DNAJB11: variants seen among roughly 807,000 people sequenced by gnomAD.
The protein encoded by DNAJB11 is DnaJ heat shock protein family (Hsp40) member B11.
In DNAJB11, 30 loss-of-function variants were observed where a neutral mutation model predicts 47.2. The ratio of observed to expected loss-of-function variants is 0.64; its 90% CI spans 0.48 to 0.86. The LOEUF is 0.86. DNAJB11 is among the 40% of genes least tolerant of loss of function. The probability of loss-of-function intolerance (pLI) is 0.00; values close to 1 mark genes in which losing one functional copy is unlikely to be tolerated. For missense variants in DNAJB11, 357 were observed against 440.2 expected (o/e 0.81, Z 1.69); for synonymous variants, 151 against 159.9 (o/e 0.94, Z 0.42).
Position 186,584,524 on chromosome 3 carries a change from G to A in DNAJB11, c.947G>A (p.Gly316Asp), listed in dbSNP as rs1332569160. 1 of 1,600,360 alleles carries A rather than the reference G, an allele frequency of 6.2e-7. No homozygotes were observed. Among genetic ancestry groups the A allele is most frequent in the Non-Finnish European group, 8.5e-7 (1 of 1,175,860 alleles). Reference protein sequence around the residue: ...LPNFDNNNIKGSLIITFDVDF... With the variant: ...LPNFDNNNIKDSLIITFDVDF... Reference sequence around the variant, plus strand: ...AACTTTGACAACAACAATATCAAGGGCTCTTTGATAATCACTTTTGATGTG... The same window carrying A: ...AACTTTGACAACAACAATATCAAGGACTCTTTGATAATCACTTTTGATGTG... Residue 316 changes from glycine to aspartate, a missense_variant, in exon 9 of 10, where the codon GGC becomes GAC. Transcript: ENST00000265028.
intron 4 of DNAJB11, chr3:186,578,010 A>G: frequency 8.8e-6 from 3 of 342,688 alleles, no homozygotes; most frequent in Non-Finnish European, 1.6e-5. Context: ...AAACATTACC[A>G]TGACTTAATC....
intron 2 of DNAJB11, among the ~76,000 whole-genome samples, chr3:186,575,465 G>A (rs147993292): frequency 1.4e-3 from 219 of 151,992 alleles, no homozygotes; most frequent in African/African-American, 5.0e-3. Context: ...CAGTATAGTG[G>A]TTAACAGCAT....
Position 186,570,820 on chromosome 3 carries a change from C to T in DNAJB11, c.-78C>T, listed in dbSNP as rs1715013980. The T allele has an allele frequency of 8.4e-6, 12 of 1,427,838 alleles. No homozygotes were observed. Among genetic ancestry groups the T allele is most frequent in the Middle Eastern group, 1.7e-4 (1 of 5,736 alleles). 88.4% of individuals were successfully genotyped at this position (1,427,838 alleles called of 1,614,324 possible). A position where few individuals can be genotyped will look rare whatever the true frequency, so the allele number is the denominator to read the frequency against. On this transcript the variant is annotated 5_prime_UTR_variant, in exon 1 of 10. Transcript: ENST00000265028. ...CCGGTGTGAGGCGGCCTCACAGGGC[C>T]GGGTGGGCTGGCGAGCCGACGCGGC...
At position 186,572,161 on chromosome 3, in the gene DNAJB11, T is replaced by A; in HGVS notation, c.135T>A (p.Tyr45Ter). 2 of 1,613,672 alleles carry A rather than the reference T, an allele frequency of 1.2e-6. No homozygotes were observed. Among genetic ancestry groups the A allele is most frequent in the African/African-American group, 2.7e-5 (2 of 74,992 alleles). ...CTATAAAGGATATTAAAAAGGCCTA[T>A]AGGAAACTAGCCCTGCAGCTTCATC... ...SASIKDIKKAYRKLALQLHPD... is the reference protein window; with the variant it reads ...SASIKDIKKA Residue 45 changes from tyrosine (Y) to a stop codon, truncating the protein, a stop_gained, in exon 2 of 10, where the codon TAT (tyrosine) becomes TAA (stop). Coordinates refer to ENST00000265028, the MANE Select transcript of DNAJB11 (RefSeq NM_016306.6). LOFTEE classifies it high-confidence loss of function.
intron 6 of DNAJB11, 46 bp from the exon 7 acceptor site, chr3:186,582,670 A>T: frequency 6.7e-7 from 1 of 1,483,190 alleles, no homozygotes; most frequent in Non-Finnish European, 9.3e-7. Flanking sequence ...GATTTGTGGT[A>T]TTCAACTTGT....
chr3:186,570,928 C>A lies in DNAJB11; in HGVS notation c.31C>A (p.Leu11Met). 6.3e-7 allele frequency: 1 copy of A among 1,586,872 alleles called. No homozygotes were observed. Among genetic ancestry groups the A allele is most frequent in the South Asian group, 1.1e-5 (1 of 88,982 alleles). The change falls in exon 1 of 10, where the codon CTG (leucine) becomes ATG (methionine). Residue 11 changes from leucine (L) to methionine (M), a missense_variant. Transcript: ENST00000265028. Reference protein sequence around the residue: MAPQNLSTFCLLLLYLIGAVI... With the variant: MAPQNLSTFCMLLLYLIGAVI... ...TCCGCAGAACCTGAGCACCTTTTGC[C>A]TGTTGCTGCTATACCTCATCGGGGC...
Position 186,581,358 on chromosome 3 carries a change from A to T in DNAJB11, c.457-13A>T. 1 of 1,613,142 alleles carries T rather than the reference A, an allele frequency of 6.2e-7. No individual in the cohort carries two copies. Among genetic ancestry groups the T allele is most frequent in the Non-Finnish European group, 8.5e-7 (1 of 1,179,602 alleles). Reference sequence around the variant, plus strand: ...CACAAGAGAGAAGCTGATGTTGTTTATGCACTTCCTAGGTAGTTAGAAACA... The same window carrying T: ...CACAAGAGAGAAGCTGATGTTGTTTTTGCACTTCCTAGGTAGTTAGAAACA... On this transcript the variant is annotated splice_polypyrimidine_tract_variant and intron_variant, in intron 4 of 9. Coordinates refer to ENST00000265028, the MANE Select transcript of DNAJB11 (RefSeq NM_016306.6).
At position 186,582,785 on chromosome 3, in the gene DNAJB11, A is replaced by C. The variant is rs767004066; in HGVS notation, c.740+12A>C. 6.4e-7 allele frequency: 1 copy of C among 1,564,210 alleles called. No homozygotes were observed. Among genetic ancestry groups the C allele is most frequent in the Non-Finnish European group, 8.7e-7 (1 of 1,150,530 alleles). ...ATCAAAGTTGTCAAGTAAGTAATCT[A>C]ATTTTAGAGGTCTTCTCAGATGAGT... is the stretch of plus-strand genomic sequence containing the variant. On this transcript the variant is annotated intron_variant, in intron 7 of 9. Coordinates refer to ENST00000265028, the MANE Select transcript of DNAJB11 (RefSeq NM_016306.6).
At chr3:186,574,347 A>G (rs888523226) in intron 2 of DNAJB11, among the ~76,000 whole-genome samples, 3 of 152,148 alleles carry the variant, frequency 2.0e-5, no homozygotes, top group Non-Finnish European at 4.4e-5. Context: ...CTGACTTAAA[A>G]CTAGTCTTTG....
chr3:186,570,855 G>A lies in DNAJB11; in HGVS notation c.-43G>A. On this transcript the variant is annotated 5_prime_UTR_variant, in exon 1 of 10. Transcript: ENST00000265028. ...GGCGAGCCGACGCGGCGGCGGAGGAGGCTGTGAGGAGTGTGTGGAACAGGA... is the reference window on the plus strand; with the variant it reads ...GGCGAGCCGACGCGGCGGCGGAGGAAGCTGTGAGGAGTGTGTGGAACAGGA... The A allele has an allele frequency of 6.4e-7, 1 of 1,573,544 alleles. No individual in the cohort carries two copies. The highest frequency in any genetic ancestry group is 8.6e-7 in the Non-Finnish European group (1 of 1,157,764).
In DNAJB11 at chr3:186,585,348, C is replaced by T. The variant is rs1715648493; in HGVS notation, c.1017C>T (p.Ile339=). 5 of 1,610,956 alleles carry T rather than the reference C, an allele frequency of 3.1e-6. No individual in the cohort carries two copies. In the South Asian group the frequency reaches 3.3e-5, roughly 11 times the overall value. Residue 339 remains isoleucine (I), a synonymous_variant, in exon 10 of 10, where the codon ATC becomes ATT. Coordinates refer to ENST00000265028, the MANE Select transcript of DNAJB11 (RefSeq NM_016306.6). ...ATTTGTTCATTCTTTCTTCAGGTAT[C>T]AAACAGCTACTGAAACAAGGGTCAG... is the stretch of plus-strand genomic sequence containing the variant. ...EQLTEEAREG[I]KQLLKQGSVQ...
chr3:186,584,402 C>G, intron 8 of DNAJB11, 28 bp from the exon 9 acceptor site: 1 of 1,520,824 alleles, frequency 6.6e-7, no homozygotes, highest in East Asian at 2.3e-5. Flanking sequence ...ACCGCTCCTG[C>G]TGCAGTACAT....
intron 2 of DNAJB11, among the ~76,000 whole-genome samples, chr3:186,572,606 G>A (rs1297140866): frequency 1.3e-5 from 2 of 152,202 alleles, no homozygotes; most frequent in African/African-American, 2.4e-5. Context: ...TTGGTCTGTC[G>A]TTCAATCAGT....
intron 5 of DNAJB11, 76 bp from the exon 6 acceptor site, chr3:186,581,919 G>A: frequency 8.2e-7 from 1 of 1,215,004 alleles, no homozygotes; most frequent in South Asian, 1.3e-5. Flanking sequence ...GATAAAATAG[G>A]TATAACTTTA....
In DNAJB11 at chr3:186,570,912, C is replaced by T; in HGVS notation, c.15C>T (p.Asn5=). ...ACAGAGGAACCATGGCTCCGCAGAA[C>T]CTGAGCACCTTTTGCCTGTTGCTGC... MAPQ[N]LSTFCLLLLY... is the part of the protein sequence containing the mutation. Residue 5 remains asparagine, a synonymous_variant, in exon 1 of 10, where the codon AAC becomes AAT. Transcript: ENST00000265028. The T allele has an allele frequency of 1.2e-6, 2 of 1,605,130 alleles. No homozygotes were observed. Among genetic ancestry groups the T allele is most frequent in the African/African-American group, 1.3e-5 (1 of 74,650 alleles).
At chr3:186,575,357 G>T (rs951392047) in intron 2 of DNAJB11, among the ~76,000 whole-genome samples, 1 of 56,528 alleles carries the variant, frequency 1.8e-5, no homozygotes, top group East Asian at 5.6e-4. Flanking sequence ...TAATACATGC[G>T]CGCGCGCGCG....
intron 6 of DNAJB11, 75 bp from the exon 7 acceptor site, chr3:186,582,641 A>T (rs540277488): frequency 8.2e-5 from 102 of 1,249,910 alleles, no homozygotes; most frequent in Middle Eastern, 2.5e-4. Context: ...GATTAAAAAA[A>T]TGTATCAGTT....
chr3:186,584,077 C>G (rs1022250995), intron 8 of DNAJB11, 101 bp downstream of exon 8: 4 of 849,572 alleles, frequency 4.7e-6, no homozygotes, highest in Non-Finnish European at 2.0e-6. Flanking sequence ...CAGATGGACT[C>G]CTTTCTTGGT....
In DNAJB11 at chr3:186,570,747, G is replaced by C. The variant is rs936964427; in HGVS notation, c.-151G>C. On this transcript the variant is annotated 5_prime_UTR_variant, in exon 1 of 10. Transcript: ENST00000265028. ...TCCCGGGAAGTGGACCGGCAGAAGAGGGGGCTAGCTAGCTGTCTCTGCGGA... is the reference window on the plus strand; with the variant it reads ...TCCCGGGAAGTGGACCGGCAGAAGACGGGGCTAGCTAGCTGTCTCTGCGGA... 3.2e-5 allele frequency: 22 copies of C among 689,226 alleles called. No individual in the cohort carries two copies. Among genetic ancestry groups the C allele is most frequent in the Non-Finnish European group, 5.2e-5 (21 of 403,416 alleles). The allele number at this position is 689,226 out of a possible 1,614,324, so 42.7% of individuals were successfully genotyped here.
Sources: gnomAD v4.1 joint callset for allele counts (sites outside exome capture counted in the v4.1 genomes callset) on GRCh38, gnomAD v4.1.1 for gene constraint, MANE v1.5 for transcripts, NCBI Gene and HGNC (gene_info 2026-07-23, HGNC 2026-07-21) for gene names.